Variants in NINJ2 observed in about 807,000 individuals in gnomAD.
NINJ2 encodes the protein ninjurin-2.
In NINJ2, 12 loss-of-function variants were observed where a neutral mutation model predicts 11.7. That is an observed-to-expected ratio of 1.02 (90% CI 0.66 to 1.66). The LOEUF is 1.66. NINJ2 is among the 40% of genes most tolerant of loss of function. NINJ2 has a pLI of 0.00. For missense variants in NINJ2, 187 were observed against 181.8 expected (o/e 1.03, Z -0.16); for synonymous variants, 93 against 76.8 (o/e 1.21, Z -1.10).
intron 1 of NINJ2, among the ~76,000 whole-genome samples, chr12:601,331 A>G (rs202216833): frequency 0.23 from 33,294 of 144,788 alleles, 4,246 homozygotes; most frequent in Middle Eastern, 0.37. Flanking sequence ...CGGATCAGGA[A>G]GTCAGGAGAT....
chr12:616,164 T>C (rs143460363), intron 1 of NINJ2, among the ~76,000 whole-genome samples: 15 of 152,298 alleles, frequency 9.8e-5, no homozygotes, highest in African/African-American at 3.6e-4. Context: ...CTGGACTAGA[T>C]TTTGAAGCAA....
chr12:651,993 TGAA>T (rs1430159936), intron 1 of NINJ2, among the ~76,000 whole-genome samples: 1 of 151,840 alleles, frequency 6.6e-6, no homozygotes, highest in Non-Finnish European at 1.5e-5. Flanking sequence ...TGGAAATAAA[TGAA>T]GGAGGAGGCA....
rs143288998 is a variant in NINJ2, at chr12:624,469, T to C, written c.33+38859A>G. On this transcript the variant is annotated intron_variant, in intron 1 of 3. Coordinates refer to ENST00000305108, the MANE Select transcript of NINJ2 (RefSeq NM_016533.6). ...GGATTCACTTTCAAGGAGCTTGCCGTCTAGTAGAGGAAATGACATACAAAT... is the reference window on the plus strand; with the variant it reads ...GGATTCACTTTCAAGGAGCTTGCCGCCTAGTAGAGGAAATGACATACAAAT... Among the ~76,000 whole-genome samples, 172 of 152,206 alleles carry C rather than the reference T, an allele frequency of 1.1e-3. 1 individual carries two copies. Among genetic ancestry groups the C allele is most frequent in the African/African-American group, 4.0e-3 (168 of 41,532 alleles).
chr12:621,487 A>G (rs1235130876), intron 1 of NINJ2, among the ~76,000 whole-genome samples: 1 of 150,322 alleles, frequency 6.7e-6, no homozygotes, highest in Non-Finnish European at 1.5e-5. Context: ...AAAAAGAAAG[A>G]AAGAAAAGAA....
At chr12:601,938 C>T (rs959207125) in intron 1 of NINJ2, among the ~76,000 whole-genome samples, 1 of 152,088 alleles carries the variant, frequency 6.6e-6, no homozygotes, top group Admixed American at 6.5e-5. Flanking sequence ...GAGTCTGACC[C>T]AGTTTATTAT....
chr12:609,502 G>A (rs1202263096), intron 1 of NINJ2, among the ~76,000 whole-genome samples: 1 of 152,186 alleles, frequency 6.6e-6, no homozygotes, highest in Admixed American at 6.5e-5. Flanking sequence ...GGGCGCGGTG[G>A]CTCACGCCTG....
At chr12:602,859 G>T (rs530080332) in intron 1 of NINJ2, among the ~76,000 whole-genome samples, 2 of 152,286 alleles carry the variant, frequency 1.3e-5, no homozygotes, top group East Asian at 1.9e-4. Context: ...TTGAGACAGG[G>T]TCTCACTCTG....
In NINJ2 at chr12:628,922, G is replaced by T. The variant is rs995472896; in HGVS notation, c.33+34406C>A. 1.3e-5 allele frequency among the ~76,000 whole-genome samples: 2 copies of T among 152,094 alleles called. No homozygotes were observed. The highest frequency in any genetic ancestry group is 2.9e-5 in the Non-Finnish European group (2 of 68,002). On this transcript the variant is annotated intron_variant, in intron 1 of 3. Coordinates refer to ENST00000305108, the MANE Select transcript of NINJ2 (RefSeq NM_016533.6). This position sits in a 1 kb window ranked among gnomAD's most constrained non-coding sequence, Gnocchi z 4.4. ...GAGGAGTCCTCAACTGGGGGAGGGG[G>T]AAAATCTCCATCTCCTTCCCAAAAA...
chr12:627,100 A>G (rs1592105192), intron 1 of NINJ2, among the ~76,000 whole-genome samples: 1 of 152,182 alleles, frequency 6.6e-6, no homozygotes, highest in East Asian at 1.9e-4. Flanking sequence ...AAAATTCAAT[A>G]GAATAATTTG....
At chr12:656,748 C>CAAAA (rs397702753) in intron 1 of NINJ2, among the ~76,000 whole-genome samples, 1 of 106,520 alleles carries the variant, frequency 9.4e-6, no homozygotes, top group African/African-American at 3.8e-5. Context: ...GACTCTGTCT[C>CAAAA]AAAAAAAAAA....
rs1245317349 is a variant in NINJ2, at chr12:565,216, C to T, written c.*18+1G>A. On this transcript the variant is annotated splice_donor_variant, in intron 3 of 3. Transcript: ENST00000305108. LOFTEE classifies it low-confidence loss of function (3UTR_SPLICE). Reference sequence around the variant, plus strand: ...GCTGGGGTTCCTCCATCCTCCCTCACCTGGGTCCCAGGCTGCATTCAGAGA... The same window carrying T: ...GCTGGGGTTCCTCCATCCTCCCTCATCTGGGTCCCAGGCTGCATTCAGAGA... 1.3e-5 allele frequency: 21 copies of T among 1,605,898 alleles called. No individual in the cohort carries two copies. The highest frequency in any genetic ancestry group is 1.8e-5 in the Non-Finnish European group (21 of 1,174,966).
chr12:639,594 G>A (rs1199273996), intron 1 of NINJ2, among the ~76,000 whole-genome samples: 2 of 152,174 alleles, frequency 1.3e-5, no homozygotes, highest in African/African-American at 2.4e-5. Context: ...CTATGGCTCC[G>A]TTTATGGACT....
chr12:611,255 C>T (rs199968289), intron 1 of NINJ2, among the ~76,000 whole-genome samples: 1,259 of 71,308 alleles, frequency 0.018, 16 homozygotes, highest in African/African-American at 0.068. Context: ...TTCTCTCTCT[C>T]TCTTTCTTTC....
chr12:593,073 T>C (rs983660025), intron 1 of NINJ2, among the ~76,000 whole-genome samples: 1 of 152,088 alleles, frequency 6.6e-6, no homozygotes, highest in African/African-American at 2.4e-5. Flanking sequence ...GTAGAGTGGA[T>C]ACAGATGTTA....
At chr12:631,277 C>A (rs1480911736) in intron 1 of NINJ2, among the ~76,000 whole-genome samples, 1 of 152,228 alleles carries the variant, frequency 6.6e-6, no homozygotes, top group Non-Finnish European at 1.5e-5. Context: ...TCTCTAATGA[C>A]CCCTGGGGTA....
chr12:573,233 C>A (rs1336839666), intron 1 of NINJ2, among the ~76,000 whole-genome samples: 2 of 151,882 alleles, frequency 1.3e-5, no homozygotes, highest in Non-Finnish European at 2.9e-5. Flanking sequence ...CACCATGTTG[C>A]CCAGGCTCAT....
rs149575256 is a variant in NINJ2 at position 600,418 on chromosome 12, G to A, written c.34-34240C>T. Among the ~76,000 whole-genome samples the A allele has an allele frequency of 4.6e-3, 694 of 152,128 alleles. 11 individuals are homozygous for A. The highest frequency in any genetic ancestry group is 0.016 in the African/African-American group (649 of 41,486). ...AATACAAAAAAAGTTAGCCGGGCAT[G>A]GGTGATGCACACCTGTAGTCCCAGC... On this transcript the variant is annotated intron_variant, in intron 1 of 3. Transcript: ENST00000305108.
intron 1 of NINJ2, among the ~76,000 whole-genome samples, chr12:630,505 G>C (rs1208083394): frequency 6.6e-6 from 1 of 152,080 alleles, no homozygotes; most frequent in African/African-American, 2.4e-5. Context: ...CTCCCGAGTA[G>C]CTGGGACTGC....
chr12:616,027 TA>T (rs1948087432), intron 1 of NINJ2, among the ~76,000 whole-genome samples: 1 of 152,158 alleles, frequency 6.6e-6, no homozygotes, highest in Non-Finnish European at 1.5e-5. Flanking sequence ...GCCAGAGGTA[TA>T]GTAGTTAGAG....
Sources: gnomAD v4.1 joint callset for allele counts (sites outside exome capture counted in the v4.1 genomes callset) on GRCh38, gnomAD v4.1.1 for gene constraint, Gnocchi (gnomAD v3.1) non-coding constraint, MANE v1.5 for transcripts, NCBI Gene and HGNC (gene_info 2026-07-23, HGNC 2026-07-21) for gene names.